CUX2: variants seen among roughly 807,000 people sequenced by gnomAD.
CUX2 encodes cut like homeobox 2, also known as homeobox protein cut-like 2.
Under a neutral mutation model 144.8 loss-of-function variants are expected in CUX2, and 40 were observed. That is an observed-to-expected ratio of 0.28 (90% confidence interval 0.21 to 0.36). CUX2 has a LOEUF of 0.36. Ranked by LOEUF, CUX2 falls within the 10% of genes least tolerant of loss-of-function variation. The pLI, the probability that CUX2 is intolerant of heterozygous loss-of-function variation, is 1.00. For missense variants in CUX2, 1,615 were observed against 1,994.0 expected, an observed-to-expected ratio of 0.81 and a Z score of 3.62; for synonymous variants, 827 against 875.6, an observed-to-expected ratio of 0.94 and a Z score of 0.98.
At position 111,037,898 on chromosome 12, in the gene CUX2, G is replaced by T. The variant is rs1018145979; in HGVS notation, c.63+3658G>T. 6.6e-6 allele frequency among the ~76,000 whole-genome samples: 1 copy of T among 152,088 alleles called. No individual in the cohort carries two copies. The highest frequency in any genetic ancestry group is 6.5e-5 in the Admixed American group (1 of 15,268). ...GCACCCAGTCCAAATGAGGGTCCTC[G>T]GTCCAAATGCCCATCTGTGTTTCTG... On this transcript the variant is annotated intron_variant, in intron 1 of 21. Coordinates refer to ENST00000261726, the MANE Select transcript of CUX2 (RefSeq NM_015267.4). This position sits in a 1 kb window ranked among gnomAD's most constrained non-coding sequence, Gnocchi z 5.4.
chr12:111,211,240 A>G (rs1397892416), intron 1 of CUX2, among the ~76,000 whole-genome samples: 2 of 152,232 alleles, frequency 1.3e-5, no homozygotes, highest in Admixed American at 1.3e-4. Flanking sequence ...CGTGGATGTC[A>G]GTGACTTCGT....
chr12:111,320,267 G>T lies in CUX2; in HGVS notation c.2258G>T (p.Gly753Val), dbSNP rs1290545717. ...GTGAAGCAGGAGGAGGGCAGCGGGG[G>T]CCCCGCGCAGGCGCCGCTCCCGGTC... ...ALVKQEEGSGGPAQAPLPVLS... is the reference protein window; with the variant it reads ...ALVKQEEGSGVPAQAPLPVLS... The change falls in exon 17 of 22, where the codon GGC becomes GTC. Residue 753 changes from glycine to valine, a missense_variant. This residue lies in a region of CUX2 where 390 missense variants were observed against 387.1 expected (regional missense o/e 1.01). Transcript: ENST00000261726. The surrounding 1 kb of genome is among the most constrained non-coding windows in gnomAD (Gnocchi z 8.1). The T allele has an allele frequency of 1.9e-6, 3 of 1,592,696 alleles. No individual in the cohort carries two copies. The highest frequency in any genetic ancestry group is 2.2e-5 in the East Asian group (1 of 44,534).
intron 20 of CUX2, 47 bp downstream of exon 20, chr12:111,338,521 T>TC (rs1330117928): frequency 1.9e-6 from 3 of 1,546,618 alleles, no homozygotes; most frequent in Admixed American, 1.8e-5. Context: ...TCTCAGATTT[T>TC]CCCCAGAACC....
At chr12:111,118,629 A>G (rs893057808) in intron 1 of CUX2, among the ~76,000 whole-genome samples, 1 of 152,176 alleles carries the variant, frequency 6.6e-6, no homozygotes, top group Non-Finnish European at 1.5e-5. Context: ...AATGGATCCA[A>G]CTGGTCCCAG....
At chr12:111,318,098 G>A (rs967105612) in intron 16 of CUX2, among the ~76,000 whole-genome samples, 6 of 151,858 alleles carry the variant, frequency 4.0e-5, no homozygotes, top group African/African-American at 9.7e-5. Flanking sequence ...TTTTGAGATA[G>A]GCTCTCACTC....
intron 1 of CUX2, among the ~76,000 whole-genome samples, chr12:111,120,983 T>C (rs557214097): frequency 3.9e-5 from 6 of 152,172 alleles, no homozygotes; most frequent in South Asian, 2.1e-4. Context: ...TTCTACTGAA[T>C]TGCTATTTCC....
intron 3 of CUX2, among the ~76,000 whole-genome samples, chr12:111,223,841 C>T (rs1386762239): frequency 6.6e-6 from 1 of 152,196 alleles, no homozygotes; most frequent in South Asian, 2.1e-4. Context: ...CTCTTCCCTG[C>T]ACCATCTCTT....
rs1185756839 is a variant in CUX2, at chr12:111,295,744, C to A, written c.637+335C>A. 6.9e-6 allele frequency among the ~76,000 whole-genome samples: 1 copy of A among 144,658 alleles called. No homozygotes were observed. The highest frequency in any genetic ancestry group is 1.5e-5 in the Non-Finnish European group (1 of 67,582). The allele number at this position is 144,658 out of a possible 152,430, so 94.9% of individuals were successfully genotyped here. On this transcript the variant is annotated intron_variant, in intron 7 of 21. Coordinates refer to ENST00000261726, the MANE Select transcript of CUX2 (RefSeq NM_015267.4). This position sits in a 1 kb window ranked among gnomAD's most constrained non-coding sequence, Gnocchi z 5.0. ...ACCAGCCTGGGCAACATGGCAAGACCCTGTCTCTAATTAATTAATTAATTA... is the reference window on the plus strand; with the variant it reads ...ACCAGCCTGGGCAACATGGCAAGACACTGTCTCTAATTAATTAATTAATTA...
rs1210070609 is a variant in CUX2, at chr12:111,255,172, T to C, written c.223-8589T>C. On this transcript the variant is annotated intron_variant, in intron 3 of 21. Coordinates refer to ENST00000261726, the MANE Select transcript of CUX2 (RefSeq NM_015267.4). The surrounding 1 kb of genome is among the most constrained non-coding windows in gnomAD (Gnocchi z 4.1). The stretch of plus-strand genomic sequence containing the variant: ...TTTAGAACCAGCTAGTGCTGGCTCC[T>C]GAAACAGGCTAGGATGGGGCCTCTC... Among the ~76,000 whole-genome samples, 2 of 152,144 alleles carry C rather than the reference T, an allele frequency of 1.3e-5. No individual in the cohort carries two copies. The highest frequency in any genetic ancestry group is 4.8e-5 in the African/African-American group (2 of 41,456).
intron 3 of CUX2, among the ~76,000 whole-genome samples, chr12:111,228,321 G>C (rs1480951342): frequency 6.6e-6 from 1 of 152,140 alleles, no homozygotes; most frequent in Non-Finnish European, 1.5e-5. Context: ...ATTGGTTCCA[G>C]GACCTGCCCC....
chr12:111,097,240 G>T (rs1419448364), intron 1 of CUX2, among the ~76,000 whole-genome samples: 1 of 152,198 alleles, frequency 6.6e-6, no homozygotes, highest in Non-Finnish European at 1.5e-5. Flanking sequence ...GAGACCACCA[G>T]GTGTGGCCTT....
rs995232823 is a variant in CUX2, at chr12:111,178,518, C to T, written c.64-35682C>T. The stretch of plus-strand genomic sequence containing the variant: ...CCCCTCCCCCATTTAAAACACAGAA[C>T]GTGACTGAGAACTAGAACTGGATTT... On this transcript the variant is annotated intron_variant, in intron 1 of 21. Transcript: ENST00000261726. This position sits in a 1 kb window ranked among gnomAD's most constrained non-coding sequence, Gnocchi z 5.7. Among the ~76,000 whole-genome samples, 9 of 152,180 alleles carry T rather than the reference C, an allele frequency of 5.9e-5. No individual in the cohort carries two copies. The East Asian group carries it at 1.5e-3, about 26-fold the overall frequency.
intron 1 of CUX2, among the ~76,000 whole-genome samples, chr12:111,117,137 A>T (rs924706037): frequency 2.6e-5 from 4 of 152,222 alleles, no homozygotes; most frequent in Admixed American, 1.3e-4. Context: ...ATATGGTGAT[A>T]TTGCTAATAG....
At chr12:111,298,737 G>A in intron 9 of CUX2, 148 bp downstream of exon 9, 1 of 935,872 alleles carries the variant, frequency 1.1e-6, no homozygotes, top group Admixed American at 2.2e-5. Flanking sequence ...GGAGCCAGGA[G>A]GAGTCTGGGC....
In CUX2 at chr12:111,304,275, C is replaced by T. The variant is rs1009750059; in HGVS notation, c.819C>T (p.Ser273=). Residue 273 remains serine, a synonymous_variant, in exon 10 of 22, where the codon TCC becomes TCT. Transcript: ENST00000261726. The surrounding 1 kb of genome is among the most constrained non-coding windows in gnomAD (Gnocchi z 4.7). The part of the protein sequence containing the change: ...LREQLASVNS[S]IRLACCSPQG... ...AACAGCTGGCCTCTGTCAACAGCTC[C>T]ATCCGCCTGGCTTGCTGCTCTCCCC... 2 of 1,613,892 alleles carry T rather than the reference C, an allele frequency of 1.2e-6. No individual in the cohort carries two copies. Among genetic ancestry groups the T allele is most frequent in the Admixed American group, 1.7e-5 (1 of 59,990 alleles).
At chr12:111,101,156 C>T (rs1217353154) in intron 1 of CUX2, among the ~76,000 whole-genome samples, 1 of 152,214 alleles carries the variant, frequency 6.6e-6, no homozygotes, top group African/African-American at 2.4e-5. Flanking sequence ...TCAAGGTGCA[C>T]TCACCCCTCG....
At position 111,334,484 on chromosome 12, in the gene CUX2, C is replaced by T; in HGVS notation, c.2970C>T (p.Ser990=). The T allele has an allele frequency of 6.2e-7, 1 of 1,611,926 alleles. No individual in the cohort carries two copies. Among genetic ancestry groups the T allele is most frequent in the Non-Finnish European group, 8.5e-7 (1 of 1,178,834 alleles). ...GGTCCTCACCATCCCCACCCCCCAG[C>T]CCCACAGAGCCTGAGAAGAGCTCCC... ...EPRSSPSPPP[S]PTEPEKSSQE... The change falls in exon 19 of 22, where the codon AGC becomes AGT. Residue 990 remains serine (S), a synonymous_variant. Transcript: ENST00000261726.
intron 1 of CUX2, among the ~76,000 whole-genome samples, chr12:111,060,680 C>T (rs1870726571): frequency 6.6e-6 from 1 of 152,208 alleles, no homozygotes; most frequent in Non-Finnish European, 1.5e-5. Context: ...ATCTGGTTTG[C>T]GGATACTGAG....
intron 1 of CUX2, among the ~76,000 whole-genome samples, chr12:111,174,197 G>A (rs1878705597): frequency 6.6e-6 from 1 of 152,198 alleles, no homozygotes; most frequent in African/African-American, 2.4e-5. Context: ...GCCCTGTCTG[G>A]CTGCCAGGGT....
Sources: allele counts gnomAD v4.1 joint callset (sites outside exome capture counted in the v4.1 genomes callset), GRCh38; gene constraint gnomAD v4.1.1; regional missense constraint gnomAD v4.1.1; non-coding constraint Gnocchi (gnomAD v3.1); transcripts MANE v1.5; gene names NCBI Gene and HGNC (gene_info 2026-07-23, HGNC 2026-07-21).